The following SLC35F3 variants were observed in gnomAD, a reference collection of about 807,000 sequenced individuals.
SLC35F3 encodes solute carrier family 35 member F3.
In SLC35F3, 25 loss-of-function variants were observed where a neutral mutation model predicts 49.9. The observed-to-expected ratio is 0.50, with a 90% CI of 0.37 to 0.70. The LOEUF (loss-of-function observed/expected upper bound fraction) is 0.70. Among genes scored for constraint, SLC35F3 ranks in the 30% least tolerant of loss-of-function variants. The pLI is 0.00. For missense variants in SLC35F3, 525 were observed against 639.8 expected, an observed-to-expected ratio of 0.82 and a Z score of 1.94; for synonymous variants, 275 against 265.4, an observed-to-expected ratio of 1.04 and a Z score of -0.35.
chr1:234,246,386 A>G (rs539569), intron 3 of SLC35F3, among the ~76,000 whole-genome samples: 124,659 of 152,182 alleles, frequency 0.82, 51,459 homozygotes, highest in African/African-American at 0.92. Context: ...CAGCTGCAGC[A>G]TCTGCTGTCT....
At chr1:234,161,205 T>C (rs1214008956) in intron 2 of SLC35F3, among the ~76,000 whole-genome samples, 2 of 152,234 alleles carry the variant, frequency 1.3e-5, no homozygotes, top group African/African-American at 2.4e-5. Context: ...GTGTTTTCAC[T>C]TGTTGTCTCA....
At chr1:234,223,394 C>T (rs554087448) in intron 2 of SLC35F3, among the ~76,000 whole-genome samples, 1 of 152,280 alleles carries the variant, frequency 6.6e-6, no homozygotes, top group South Asian at 2.1e-4. Context: ...ATTCCAGCCC[C>T]AAAAGGCAAC....
intron 2 of SLC35F3, among the ~76,000 whole-genome samples, chr1:234,075,372 C>G (rs1664776873): frequency 1.3e-5 from 2 of 152,194 alleles, no homozygotes; most frequent in Non-Finnish European, 2.9e-5. Flanking sequence ...TCTCCATCAG[C>G]CTTGTGCCTT....
chr1:234,083,103 TTTTC>T (rs1338819895), intron 2 of SLC35F3, among the ~76,000 whole-genome samples: 1 of 152,212 alleles, frequency 6.6e-6, no homozygotes, highest in Non-Finnish European at 1.5e-5. Context: ...CCTCCTTAAT[TTTTC>T]TTTCTTAATT....
intron 2 of SLC35F3, among the ~76,000 whole-genome samples, chr1:233,968,276 A>C (rs887438758): frequency 6.6e-6 from 1 of 152,036 alleles, no homozygotes; most frequent in Non-Finnish European, 1.5e-5. Context: ...GACACAAATC[A>C]TTTTGGATTA....
At chr1:234,173,286 C>A (rs753100530) in intron 2 of SLC35F3, among the ~76,000 whole-genome samples, 1 of 152,196 alleles carries the variant, frequency 6.6e-6, no homozygotes, top group Non-Finnish European at 1.5e-5. Flanking sequence ...GTTCTAAGTA[C>A]TTCAGGTACA....
At chr1:234,006,876 T>G (rs1011526123) in intron 2 of SLC35F3, among the ~76,000 whole-genome samples, 17 of 152,110 alleles carry the variant, frequency 1.1e-4, no homozygotes, top group Admixed American at 1.1e-3. Context: ...AGTTCATTGA[T>G]GGGATACATC....
intron 3 of SLC35F3, among the ~76,000 whole-genome samples, chr1:234,240,966 T>A (rs1022528315): frequency 3.9e-5 from 6 of 152,228 alleles, no homozygotes; most frequent in Admixed American, 2.0e-4. Flanking sequence ...GAAAGCCAGA[T>A]GGAAATGTGA....
At chr1:234,131,596 A>C (rs995567761) in intron 2 of SLC35F3, among the ~76,000 whole-genome samples, 1 of 152,192 alleles carries the variant, frequency 6.6e-6, no homozygotes, top group East Asian at 1.9e-4. Flanking sequence ...ATGTTCATAC[A>C]TCCGTCTGAG....
intron 3 of SLC35F3, among the ~76,000 whole-genome samples, chr1:234,276,792 T>C (rs568826535): frequency 3.0e-4 from 46 of 151,996 alleles, no homozygotes; most frequent in African/African-American, 1.0e-3. Context: ...AAAAATAAAA[T>C]GTCATGCAGA....
intron 2 of SLC35F3, among the ~76,000 whole-genome samples, chr1:233,954,403 A>G (rs1571994813): frequency 6.6e-6 from 1 of 152,212 alleles, no homozygotes; most frequent in African/African-American, 2.4e-5. Flanking sequence ...GCCCTGCACC[A>G]TGCAGGAGTT....
At chr1:234,190,167 C>T (rs986214416) in intron 2 of SLC35F3, among the ~76,000 whole-genome samples, 4 of 152,122 alleles carry the variant, frequency 2.6e-5, no homozygotes, top group Admixed American at 1.3e-4. Flanking sequence ...ACAAAAAAAC[C>T]GAGGTATTCA....
intron 2 of SLC35F3, among the ~76,000 whole-genome samples, chr1:234,146,723 A>C (rs933656569): frequency 6.6e-6 from 1 of 152,028 alleles, no homozygotes; most frequent in Non-Finnish European, 1.5e-5. Context: ...CATGTTTGTC[A>C]GGCTGGTCTC....
intron 2 of SLC35F3, among the ~76,000 whole-genome samples, chr1:234,201,707 C>G (rs1352803399): frequency 6.6e-6 from 1 of 152,148 alleles, no homozygotes. Context: ...TCCCCACCCC[C>G]AGGAGTGAAA....
chr1:233,954,217 A>G (rs1662657383), intron 2 of SLC35F3, among the ~76,000 whole-genome samples: 1 of 152,202 alleles, frequency 6.6e-6, no homozygotes, highest in Non-Finnish European at 1.5e-5. Flanking sequence ...CGTGTTAGCC[A>G]GGATGGTCTC....
intron 2 of SLC35F3, among the ~76,000 whole-genome samples, chr1:234,168,679 C>T (rs1216091501): frequency 1.3e-5 from 2 of 152,228 alleles, no homozygotes; most frequent in Non-Finnish European, 2.9e-5. Flanking sequence ...GGGTTCAAGA[C>T]TGCATTTGCT....
intron 2 of SLC35F3, among the ~76,000 whole-genome samples, chr1:233,991,261 G>C (rs1298427090): frequency 2.0e-5 from 3 of 152,056 alleles, no homozygotes; most frequent in Non-Finnish European, 4.4e-5. Flanking sequence ...GGCCCCTGTG[G>C]CAGCTTCCAA....
At chr1:234,274,963 T>G (rs1668176464) in intron 3 of SLC35F3, among the ~76,000 whole-genome samples, 1 of 152,228 alleles carries the variant, frequency 6.6e-6, no homozygotes, top group South Asian at 2.1e-4. Context: ...TACTTCTTTC[T>G]TCATATACCA....
chr1:234,275,724 G>C (rs923785895), intron 3 of SLC35F3, among the ~76,000 whole-genome samples: 6 of 143,646 alleles, frequency 4.2e-5, no homozygotes, highest in Admixed American at 2.1e-4. Flanking sequence ...GGTCAACTCT[G>C]ATAAATGAAA....
Sources: gnomAD v4.1 joint callset for allele counts (sites outside exome capture counted in the v4.1 genomes callset) on GRCh38, gnomAD v4.1.1 for gene constraint, MANE v1.5 for transcripts, NCBI Gene and HGNC (gene_info 2026-07-23, HGNC 2026-07-21) for gene names.